The following KMT2C variants were observed in gnomAD, a reference collection of about 807,000 sequenced individuals.
The protein encoded by KMT2C is histone-lysine N-methyltransferase 2C.
A neutral mutation model predicts 507.9 loss-of-function variants in KMT2C; 88 were observed. The ratio of observed to expected loss-of-function variants is 0.17; its 90% CI spans 0.15 to 0.21. KMT2C has a LOEUF of 0.21. KMT2C is among the 10% of genes least tolerant of loss of function. KMT2C has a pLI of 1.00. For synonymous variants in KMT2C, 2,049 were observed against 2,080.8 expected (o/e 0.98, Z 0.42); for missense variants, 4,954 against 5,957.8 (o/e 0.83, Z 5.55).
At chr7:152,360,852 AAAG>A (rs1400754272) in intron 1 of KMT2C, among the ~76,000 whole-genome samples, 2 of 151,982 alleles carry the variant, frequency 1.3e-5, no homozygotes, top group Non-Finnish European at 1.5e-5. Flanking sequence ...TCTATCTCAA[AAAG>A]AAAAAAAAAT....
At chr7:152,228,900 C>T (rs367774017) in intron 18 of KMT2C, among the ~76,000 whole-genome samples, 3 of 152,068 alleles carry the variant, frequency 2.0e-5, no homozygotes, top group Non-Finnish European at 4.4e-5. Context: ...ATAAATTAAC[C>T]GTACTAGTCT....
rs1469113009 is a variant in KMT2C at position 152,163,687 on chromosome 7, G to A, written c.9890C>T (p.Pro3297Leu). Residue 3297 changes from proline (P) to leucine (L), a missense_variant, in exon 43 of 59, where the codon CCC becomes CTC. Coordinates refer to ENST00000262189, the MANE Select transcript of KMT2C (RefSeq NM_170606.3). ...GGGAAAGGTGGGTTGGCTCATGGTGGGTGGAGTGGCACCTGGAATTAGGGG... is the reference window on the plus strand; with the variant it reads ...GGGAAAGGTGGGTTGGCTCATGGTGAGTGGAGTGGCACCTGGAATTAGGGG... ...QPPLIPGATP[P>L]TMSQPTFPMV... 1 of 1,613,956 alleles carries A rather than the reference G, an allele frequency of 6.2e-7. No homozygotes were observed. The highest frequency in any genetic ancestry group is 1.3e-5 in the African/African-American group (1 of 74,906).
intron 1 of KMT2C, among the ~76,000 whole-genome samples, chr7:152,369,054 G>A (rs1002610366): frequency 2.6e-5 from 4 of 152,012 alleles, no homozygotes; most frequent in African/African-American, 9.7e-5. Context: ...CAGGAGCAGT[G>A]GCTCACACCT....
intron 2 of KMT2C, among the ~76,000 whole-genome samples, chr7:152,345,810 C>T (rs938416103): frequency 5.3e-5 from 8 of 152,062 alleles, no homozygotes; most frequent in South Asian, 2.1e-4. Flanking sequence ...TATGAGCCAC[C>T]GCACATGGCC....
intron 4 of KMT2C, 49 bp from the exon 5 acceptor site, chr7:152,311,995 G>A: frequency 6.8e-7 from 1 of 1,469,822 alleles, no homozygotes; most frequent in South Asian, 1.3e-5. Context: ...GCAGAAAATT[G>A]TTTCATTTTT....
intron 6 of KMT2C, among the ~76,000 whole-genome samples, chr7:152,274,205 G>C (rs2096033230): frequency 6.6e-6 from 1 of 151,520 alleles, no homozygotes; most frequent in Non-Finnish European, 1.5e-5. Context: ...TCTATATTGA[G>C]GATTATTATA....
At chr7:152,368,283 C>G (rs1038234415) in intron 1 of KMT2C, 2 of 1,107,314 alleles carry the variant, frequency 1.8e-6, no homozygotes, top group African/African-American at 3.1e-5. Flanking sequence ...ACTACAGAAG[C>G]AGAAAACTGG....
chr7:152,178,047 A>AAAAAAT, intron 37 of KMT2C, 37 bp from the exon 38 acceptor site: 1 of 1,376,120 alleles, frequency 7.3e-7, no homozygotes, highest in Non-Finnish European at 9.4e-7. Context: ...AAAAAAGCAA[A>AAAAAAT]TAGGTATTAT....
intron 1 of KMT2C, among the ~76,000 whole-genome samples, chr7:152,361,612 A>C (rs569339342): frequency 1.3e-5 from 2 of 152,326 alleles, no homozygotes; most frequent in East Asian, 3.9e-4. Flanking sequence ...GATAGAAAAC[A>C]TTAAAATAAA....
At chr7:152,420,583 T>A (rs1208304518) in intron 1 of KMT2C, among the ~76,000 whole-genome samples, 2 of 152,152 alleles carry the variant, frequency 1.3e-5, no homozygotes, top group Non-Finnish European at 2.9e-5. Flanking sequence ...ACACCTGTAA[T>A]CCCAGAACTT....
At position 152,435,969 on chromosome 7, in the gene KMT2C, A is replaced by G; in HGVS notation, c.-183T>C. ...GGCGGCAACATGGAGCGAGCAGGACACGCACTCACACACATCGGCGCGGGC... is the reference window on the plus strand; with the variant it reads ...GGCGGCAACATGGAGCGAGCAGGACGCGCACTCACACACATCGGCGCGGGC... On this transcript the variant is annotated 5_prime_UTR_variant, in exon 1 of 59. Coordinates refer to ENST00000262189, the MANE Select transcript of KMT2C (RefSeq NM_170606.3). 1 of 400,022 alleles carries G rather than the reference A, an allele frequency of 2.5e-6. No individual in the cohort carries two copies. Among genetic ancestry groups the G allele is most frequent in the Admixed American group, 5.0e-5 (1 of 20,156 alleles). The allele number at this position is 400,022 out of a possible 1,614,324, so 24.8% of individuals were successfully genotyped here.
chr7:152,410,140 G>A (rs993915827), intron 1 of KMT2C, among the ~76,000 whole-genome samples: 3 of 152,010 alleles, frequency 2.0e-5, no homozygotes, highest in African/African-American at 7.3e-5. Context: ...GGCCGGGCAC[G>A]GTGGCTCATG....
In KMT2C at chr7:152,177,153, C is replaced by T. The variant is rs767491148; in HGVS notation, c.8300G>A (p.Gly2767Glu). ...CTCATTAAACATGCTTTTCTTATCTCCCATGTCAAGTTCTGGATCTGTATA... is the reference window on the plus strand; with the variant it reads ...CTCATTAAACATGCTTTTCTTATCTTCCATGTCAAGTTCTGGATCTGTATA... ...IAYTDPELDM[G>E]DKKSMFNEEL... The change falls in exon 38 of 59, where the codon GGA becomes GAA. Residue 2767 changes from glycine (G) to glutamate (E), a missense_variant. Around this residue, in one of 29 missense-constraint regions of KMT2C, gnomAD observed 1,689 missense variants for 1,654.3 expected, o/e 1.02. Transcript: ENST00000262189. 6.2e-7 allele frequency: 1 copy of T among 1,613,766 alleles called. No individual in the cohort carries two copies. The highest frequency in any genetic ancestry group is 1.7e-5 in the Admixed American group (1 of 60,024).
chr7:152,297,059 G>GAAAGAAAGAAAGAAAGAAAGAAAGAC (rs1563767704), intron 6 of KMT2C, among the ~76,000 whole-genome samples: 3 of 64,432 alleles, frequency 4.7e-5, no homozygotes, highest in East Asian at 4.2e-4. Flanking sequence ...GAAAGACAGA[G>GAAAGAAAGAAAGAAAGAAAGAAAGAC]AGAGAGAGAG....
intron 1 of KMT2C, chr7:152,367,469 C>G: frequency 2.5e-6 from 2 of 791,668 alleles, no homozygotes; most frequent in South Asian, 2.9e-5. Flanking sequence ...CTACCCACCT[C>G]GGCCTCCCAA....
intron 2 of KMT2C, among the ~76,000 whole-genome samples, chr7:152,355,521 G>A (rs572007455): frequency 3.3e-5 from 5 of 150,918 alleles, no homozygotes; most frequent in African/African-American, 1.2e-4. Context: ...AAGAGAATGA[G>A]AAAAAACCAG....
At position 152,181,144 on chromosome 7, in the gene KMT2C, G is replaced by C. The variant is rs774918977; in HGVS notation, c.6716C>G (p.Thr2239Arg). 5.6e-6 allele frequency: 9 copies of C among 1,614,062 alleles called. No individual in the cohort carries two copies. In the South Asian group the frequency reaches 9.9e-5, roughly 18 times the overall value. Reference protein sequence around the residue: ...ISEGFTRSSMTRPVLMPNQDP... With the variant: ...ISEGFTRSSMRRPVLMPNQDP... ...CTGATTTGGCATGAGGACTGGTCTT[G>C]TCATTGAGGACCTAGTAAAACCCTC... The change falls in exon 36 of 59, where the codon ACA (threonine) becomes AGA (arginine). Residue 2239 changes from threonine to arginine, a missense_variant. By Grantham distance (71) the Thr-to-Arg change is moderately conservative. Coordinates refer to ENST00000262189, the MANE Select transcript of KMT2C (RefSeq NM_170606.3).
chr7:152,334,193 C>T (rs951388822), intron 2 of KMT2C, among the ~76,000 whole-genome samples: 22 of 152,172 alleles, frequency 1.4e-4, no homozygotes, highest in Admixed American at 6.5e-5. Flanking sequence ...CGGTGGCTCA[C>T]GCCTGTAATC....
intron 55 of KMT2C, 123 bp from the exon 56 acceptor site, chr7:152,139,914 A>G: frequency 1.4e-6 from 1 of 691,410 alleles, no homozygotes; most frequent in Non-Finnish European, 2.5e-6. Context: ...TTGAACTCAA[A>G]TCATTTTTGA....
Sources: allele counts gnomAD v4.1 joint callset (sites outside exome capture counted in the v4.1 genomes callset), GRCh38; gene constraint gnomAD v4.1.1; regional missense constraint gnomAD v4.1.1; transcripts MANE v1.5; gene names NCBI Gene and HGNC (gene_info 2026-07-23, HGNC 2026-07-21).